ZNRF2: variants seen among roughly 807,000 people sequenced by gnomAD.
ZNRF2 encodes zinc and ring finger 2.
Under a neutral mutation model 20.4 loss-of-function variants are expected in ZNRF2, and 16 were observed. The ratio of observed to expected loss-of-function variants is 0.79; its 90% CI spans 0.53 to 1.19. The LOEUF (loss-of-function observed/expected upper bound fraction) is 1.19. Ranked by LOEUF, ZNRF2 falls within the 50% of genes most tolerant of loss-of-function variation. The pLI is 0.00. For missense variants in ZNRF2, 363 were observed against 332.4 expected, an observed-to-expected ratio of 1.09 and a Z score of -0.72; for synonymous variants, 178 against 144.9, an observed-to-expected ratio of 1.23 and a Z score of -1.64.
chr7:30,349,022 T>C (rs899712581), intron 2 of ZNRF2, among the ~76,000 whole-genome samples: 2 of 152,238 alleles, frequency 1.3e-5, no homozygotes, highest in African/African-American at 2.4e-5. Context: ...AGTTCTGATG[T>C]AACATTTGAT....
intron 1 of ZNRF2, among the ~76,000 whole-genome samples, chr7:30,296,784 T>C (rs1799026569): frequency 6.6e-6 from 1 of 152,236 alleles, no homozygotes. Flanking sequence ...TTTAATATTA[T>C]TATTGGCCAC....
chr7:30,322,540 G>C (rs984009366), intron 1 of ZNRF2, among the ~76,000 whole-genome samples: 1 of 151,938 alleles, frequency 6.6e-6, no homozygotes, highest in African/African-American at 2.4e-5. Context: ...CTGTTCTCTC[G>C]TAAGTTCAGC....
chr7:30,336,211 T>C (rs1799714325), intron 2 of ZNRF2, among the ~76,000 whole-genome samples: 1 of 152,202 alleles, frequency 6.6e-6, no homozygotes, highest in Admixed American at 6.6e-5. Flanking sequence ...TGACTACATA[T>C]TACTTGTATA....
chr7:30,327,085 C>T (rs1285827708), intron 2 of ZNRF2, among the ~76,000 whole-genome samples: 2 of 152,120 alleles, frequency 1.3e-5, no homozygotes, highest in African/African-American at 4.8e-5. Flanking sequence ...TGTAGGTTGT[C>T]TGTTCACTTT....
chr7:30,284,844 G>A lies in ZNRF2; in HGVS notation c.-514G>A, dbSNP rs1213469985. On this transcript the variant is annotated 5_prime_UTR_variant, in exon 1 of 5. Transcript: ENST00000323037. The stretch of plus-strand genomic sequence containing the variant: ...TCCTCTTTCTCCGTTAATAACAGCT[G>A]GGTGGCTGGGGGAGGAGGGAAGGTG... The A allele has an allele frequency of 4.5e-6, 1 of 221,672 alleles. No homozygotes were observed. Among genetic ancestry groups the A allele is most frequent in the African/African-American group, 2.4e-5 (1 of 41,736 alleles). The allele number at this position is 221,672 out of a possible 1,614,324, so 13.7% of individuals were successfully genotyped here.
At chr7:30,329,743 C>G (rs1231982712) in intron 2 of ZNRF2, among the ~76,000 whole-genome samples, 2 of 152,108 alleles carry the variant, frequency 1.3e-5, no homozygotes, top group Non-Finnish European at 2.9e-5. Context: ...TCTTGGTTAT[C>G]GTGAATAGTG....
At chr7:30,337,598 T>C (rs369024901) in intron 2 of ZNRF2, among the ~76,000 whole-genome samples, 2 of 152,142 alleles carry the variant, frequency 1.3e-5, no homozygotes, top group East Asian at 1.9e-4. Flanking sequence ...TGACATTGTC[T>C]CTGTTTTCCA....
At chr7:30,320,037 C>T (rs768321071) in intron 1 of ZNRF2, among the ~76,000 whole-genome samples, 5 of 151,942 alleles carry the variant, frequency 3.3e-5, no homozygotes, top group South Asian at 4.1e-4. Context: ...CCTGTGTGTC[C>T]GTGAGTTTAT....
rs1176060994 is a variant in ZNRF2, at chr7:30,366,554, G to GTA, written c.*543_*544dup. ...TGAAACCAAGAAATGTAATCAAGCA[G>GTA]TAAAAACATCTGAATGTAGACCATG... On this transcript the variant is annotated 3_prime_UTR_variant, in exon 5 of 5. Coordinates refer to ENST00000323037, the MANE Select transcript of ZNRF2 (RefSeq NM_147128.4). The GTA allele has an allele frequency of 1.3e-5, 2 of 152,394 alleles. No individual in the cohort carries two copies. The highest frequency in any genetic ancestry group is 2.4e-5 in the African/African-American group (1 of 41,394). The allele number at this position is 152,394 out of a possible 1,614,324, so 9.4% of individuals were successfully genotyped here. A position where few individuals can be genotyped will look rare whatever the true frequency, so the allele number is the denominator to read the frequency against.
chr7:30,301,593 A>C (rs1194422041), intron 1 of ZNRF2, among the ~76,000 whole-genome samples: 3 of 151,730 alleles, frequency 2.0e-5, no homozygotes, highest in African/African-American at 4.8e-5. Flanking sequence ...TGGAAGAGGC[A>C]CTGGGCATGG....
intron 2 of ZNRF2, among the ~76,000 whole-genome samples, chr7:30,327,672 G>T (rs2127948071): frequency 6.6e-6 from 1 of 152,040 alleles, no homozygotes; most frequent in Admixed American, 6.6e-5. Context: ...CTGACTGAAA[G>T]CTTTAAAAAA....
At chr7:30,349,192 A>G (rs993945942) in intron 2 of ZNRF2, among the ~76,000 whole-genome samples, 4 of 152,200 alleles carry the variant, frequency 2.6e-5, no homozygotes, top group African/African-American at 7.2e-5. Flanking sequence ...ATTAAAGACC[A>G]TGTGAGATGT....
At position 30,285,559 on chromosome 7, in the gene ZNRF2, G is replaced by A. The variant is rs1375810810; in HGVS notation, c.202G>A (p.Ala68Thr). Residue 68 changes from alanine (A) to threonine (T), a missense_variant, in exon 1 of 5, where the codon GCC becomes ACC. Physicochemically the swap from Ala to Thr is moderately conservative, Grantham distance 58. This residue lies in a region of ZNRF2 where 302 missense variants were observed against 231.5 expected (regional missense o/e 1.30). Coordinates refer to ENST00000323037, the MANE Select transcript of ZNRF2 (RefSeq NM_147128.4). ...CAGCGCCTCCGGCGGCGCCGCGGCG[G>A]CCGCGGCGGCCCCGGCAGCCCCGGC... ...QPSASGGAAAAAAAPAAPAAP... is the reference protein window; with the variant it reads ...QPSASGGAAATAAAPAAPAAP... The A allele has an allele frequency of 1.1e-5, 11 of 976,956 alleles. No homozygotes were observed. Among genetic ancestry groups the A allele is most frequent in the Non-Finnish European group, 1.3e-5 (11 of 826,750 alleles). 60.5% of individuals were successfully genotyped at this position (976,956 alleles called of 1,614,324 possible).
chr7:30,348,225 C>G (rs1172468896), intron 2 of ZNRF2, among the ~76,000 whole-genome samples: 1 of 147,146 alleles, frequency 6.8e-6, no homozygotes, highest in Non-Finnish European at 1.5e-5. Context: ...ACCAAAACCA[C>G]AAGCAGTCAA....
intron 1 of ZNRF2, among the ~76,000 whole-genome samples, chr7:30,317,796 G>A (rs1021526686): frequency 6.6e-6 from 1 of 152,214 alleles, no homozygotes; most frequent in Non-Finnish European, 1.5e-5. Context: ...AACAGAGAGA[G>A]TGTAGGTTCC....
chr7:30,334,299 G>C (rs929521815), intron 2 of ZNRF2, among the ~76,000 whole-genome samples: 2 of 152,100 alleles, frequency 1.3e-5, no homozygotes, highest in African/African-American at 2.4e-5. Context: ...AGATCAGTTG[G>C]TTATAAGTAT....
At chr7:30,342,110 C>T (rs536427087) in intron 2 of ZNRF2, among the ~76,000 whole-genome samples, 153 of 150,080 alleles carry the variant, frequency 1.0e-3, no homozygotes, top group African/African-American at 3.5e-3. Context: ...TTATTTTGAG[C>T]CTATGTGTGT....
chr7:30,346,748 A>G (rs1478613089), intron 2 of ZNRF2, among the ~76,000 whole-genome samples: 1 of 152,078 alleles, frequency 6.6e-6, no homozygotes, highest in Non-Finnish European at 1.5e-5. Context: ...TCAGTCTAAA[A>G]TCAAGTCTTA....
chr7:30,286,093 C>A (rs1798784182), intron 1 of ZNRF2, among the ~76,000 whole-genome samples: 1 of 152,204 alleles, frequency 6.6e-6, no homozygotes, highest in African/African-American at 2.4e-5. Context: ...AGTCTATTTT[C>A]CAGTGAGATG....
Sources: allele counts gnomAD v4.1 joint callset (sites outside exome capture counted in the v4.1 genomes callset), GRCh38; gene constraint gnomAD v4.1.1; regional missense constraint gnomAD v4.1.1; transcripts MANE v1.5; gene names NCBI Gene and HGNC (gene_info 2026-07-23, HGNC 2026-07-21).